The following CLNK variants were observed in gnomAD, a reference collection of about 807,000 sequenced individuals.
CLNK encodes the protein cytokine-dependent hematopoietic cell linker.
CLNK carries 74 observed loss-of-function variants against 68.6 expected under a neutral mutation model. That is an observed-to-expected ratio of 1.08 (90% CI 0.89 to 1.31). CLNK has a LOEUF of 1.31. Among genes scored for constraint, CLNK ranks in the 50% most tolerant of loss-of-function variants. CLNK has a pLI of 0.00. For missense variants in CLNK, 553 were observed against 515.3 expected (o/e 1.07, Z -0.71); for synonymous variants, 198 against 172.2 (o/e 1.15, Z -1.17).
At chr4:10,566,191 C>T (rs1157026413) in intron 5 of CLNK, 41 bp from the exon 6 acceptor site, 1 of 1,602,564 alleles carries the variant, frequency 6.2e-7, no homozygotes, top group African/African-American at 1.3e-5. Context: ...AAGGAAGGTA[C>T]AATGTTGACA....
At chr4:10,610,033 GTTTTTTTTTT>G (rs71181047) in intron 2 of CLNK, among the ~76,000 whole-genome samples, 4 of 73,438 alleles carry the variant, frequency 5.4e-5, no homozygotes, top group African/African-American at 1.9e-4. Flanking sequence ...ATGAATGCTC[GTTTTTTTTTT>G]TTTTTTTTTT....
intron 17 of CLNK, among the ~76,000 whole-genome samples, chr4:10,504,417 C>A (rs189694935): frequency 6.6e-6 from 1 of 151,990 alleles, no homozygotes; most frequent in South Asian, 2.1e-4. Context: ...ACTGCGTGCC[C>A]CGCCATAAAC....
At chr4:10,564,371 C>G (rs1187896265) in intron 7 of CLNK, among the ~76,000 whole-genome samples, 2 of 152,200 alleles carry the variant, frequency 1.3e-5, no homozygotes, top group African/African-American at 2.4e-5. Context: ...AGTTCATGTT[C>G]TTTCTCTGGA....
At position 10,558,233 on chromosome 4, in the gene CLNK, G is replaced by A. The variant is rs530363424; in HGVS notation, c.445+174C>T. On this transcript the variant is annotated intron_variant, in intron 8 of 18. Transcript: ENST00000226951. ...ATCAATAAGGTAAGGCAATAAATAG[G>A]CATAAAGTATGTGAGACTCTGTCTA... Among the ~76,000 whole-genome samples the A allele has an allele frequency of 5.3e-5, 8 of 152,222 alleles. No homozygotes were observed. The South Asian group carries it at 1.7e-3, about 32-fold the overall frequency.
intron 7 of CLNK, among the ~76,000 whole-genome samples, chr4:10,561,791 G>T (rs1288711143): frequency 6.6e-6 from 1 of 152,186 alleles, no homozygotes; most frequent in Non-Finnish European, 1.5e-5. Flanking sequence ...AATTTTGAAG[G>T]CCAGACCGAG....
intron 15 of CLNK, among the ~76,000 whole-genome samples, chr4:10,515,152 C>T (rs534546733): frequency 2.0e-5 from 3 of 152,210 alleles, no homozygotes; most frequent in East Asian, 3.9e-4. Flanking sequence ...GCAGGAGAAT[C>T]GCTTGAGCCT....
At chr4:10,553,678 T>G (rs1319900276) in intron 8 of CLNK, among the ~76,000 whole-genome samples, 1 of 152,164 alleles carries the variant, frequency 6.6e-6, no homozygotes, top group African/African-American at 2.4e-5. Context: ...GGTCTGAAGC[T>G]CCTAACCTCA....
intron 1 of CLNK, among the ~76,000 whole-genome samples, chr4:10,669,318 T>A (rs1404585474): frequency 1.3e-5 from 2 of 152,204 alleles, no homozygotes; most frequent in Non-Finnish European, 2.9e-5. Flanking sequence ...AAACAGATAA[T>A]TGTAAAACAA....
intron 16 of CLNK, among the ~76,000 whole-genome samples, chr4:10,512,205 G>T (rs374347962): frequency 1.3e-5 from 2 of 151,798 alleles, no homozygotes; most frequent in Non-Finnish European, 2.9e-5. Flanking sequence ...CCGAGTGCAT[G>T]ACAAGGGACA....
intron 1 of CLNK, among the ~76,000 whole-genome samples, chr4:10,683,181 G>A (rs191759310): frequency 2.1e-4 from 32 of 152,284 alleles, no homozygotes; most frequent in Non-Finnish European, 3.7e-4. Context: ...GGTCCAAGTG[G>A]CAGAGTCAGG....
chr4:10,643,457 C>CTGAT (rs1306725974), intron 2 of CLNK, among the ~76,000 whole-genome samples: 1 of 152,226 alleles, frequency 6.6e-6, no homozygotes, highest in Non-Finnish European at 1.5e-5. Context: ...TCATGGTTGC[C>CTGAT]TGATAGTGAC....
At chr4:10,714,783 G>A in the CLNK span, among the ~76,000 whole-genome samples, 3 of 151,492 alleles carry the variant, frequency 2.0e-5, no homozygotes, top group East Asian at 3.9e-4. Context: ...AGTGAAAAAG[G>A]CACTCTAGTT....
chr4:10,665,489 C>T (rs1724358056), intron 2 of CLNK, among the ~76,000 whole-genome samples: 1 of 151,884 alleles, frequency 6.6e-6, no homozygotes, highest in Non-Finnish European at 1.5e-5. Flanking sequence ...CATGGTGAAA[C>T]CCTGTCTCTA....
chr4:10,711,486 A>T, the CLNK span, among the ~76,000 whole-genome samples: 1 of 152,236 alleles, frequency 6.6e-6, no homozygotes, highest in African/African-American at 2.4e-5. Context: ...CTCAGAGAAC[A>T]CTGAGAGTCT....
chr4:10,562,458 T>G (rs982645013), intron 7 of CLNK, among the ~76,000 whole-genome samples: 2 of 152,168 alleles, frequency 1.3e-5, no homozygotes, highest in African/African-American at 4.8e-5. Flanking sequence ...CAGGCTGGAG[T>G]GCAGTGGTGC....
intron 2 of CLNK, among the ~76,000 whole-genome samples, chr4:10,602,339 T>A (rs1721616819): frequency 6.6e-6 from 1 of 152,220 alleles, no homozygotes; most frequent in Admixed American, 6.5e-5. Flanking sequence ...AAACTGTACA[T>A]GTGACCTTAT....
At chr4:10,532,713 G>A (rs926684241) in intron 11 of CLNK, among the ~76,000 whole-genome samples, 2 of 152,228 alleles carry the variant, frequency 1.3e-5, no homozygotes, top group African/African-American at 4.8e-5. Context: ...TCTCAGGAAA[G>A]CAAGTGTAAG....
At chr4:10,673,284 A>G (rs1287902539) in intron 1 of CLNK, among the ~76,000 whole-genome samples, 1 of 152,124 alleles carries the variant, frequency 6.6e-6, no homozygotes, top group Admixed American at 6.5e-5. Flanking sequence ...AATATGCCCC[A>G]GAGGGATCTA....
intron 12 of CLNK, among the ~76,000 whole-genome samples, chr4:10,528,321 A>G (rs1389534172): frequency 1.3e-5 from 2 of 152,220 alleles, no homozygotes; most frequent in Non-Finnish European, 1.5e-5. Context: ...CAGTCGGCTG[A>G]TGGGACTATC....
Sources: gnomAD v4.1 joint callset for allele counts (sites outside exome capture counted in the v4.1 genomes callset) on GRCh38, gnomAD v4.1.1 for gene constraint, MANE v1.5 for transcripts, NCBI Gene and HGNC (gene_info 2026-07-23, HGNC 2026-07-21) for gene names.